Variants in UPP2 observed in about 807,000 individuals in gnomAD.
UPP2 encodes the protein UPase 2.
Under a neutral mutation model 26.7 loss-of-function variants are expected in UPP2, and 23 were observed. The observed-to-expected ratio is 0.86, with a 90% CI of 0.62 to 1.22. UPP2 has a LOEUF of 1.22. Ranked by LOEUF, UPP2 falls within the 50% of genes most tolerant of loss-of-function variation. The pLI is 0.00. For synonymous variants in UPP2, 127 were observed against 141.3 expected, an observed-to-expected ratio of 0.90 and a Z score of 0.72; for missense variants, 387 against 396.7, an observed-to-expected ratio of 0.98 and a Z score of 0.21.
intron 3 of UPP2, among the ~76,000 whole-genome samples, chr2:158,089,087 G>A (rs1168929539): frequency 1.3e-5 from 2 of 152,164 alleles, no homozygotes; most frequent in African/African-American, 4.8e-5. Flanking sequence ...AGAGCGGGTA[G>A]AGAAAGACCA....
chr2:158,073,964 T>C (rs1166072984), intron 3 of UPP2, among the ~76,000 whole-genome samples: 1 of 152,166 alleles, frequency 6.6e-6, no homozygotes, highest in East Asian at 1.9e-4. Flanking sequence ...AGCTTAAGCT[T>C]GGAAGCTTGA....
chr2:158,112,912 TCTAACTTCTTTGATAAAAC>T (rs1361622355), intron 2 of UPP2, among the ~76,000 whole-genome samples: 8 of 152,206 alleles, frequency 5.3e-5, no homozygotes, highest in Admixed American at 5.2e-4. Context: ...CCAGTGTGTT[TCTAACTTCTTTGATAAAAC>T]CAGGACAATT....
rs1324711368 is a variant in UPP2 at position 158,016,125 on chromosome 2, TA to T, written c.147+252del. ...CTCCACATCCTCACTAACACTTGTT[TA>T]AAAAAAAAAAAACTAACAGATTTTT... is the stretch of plus-strand genomic sequence containing the variant. On this transcript the variant is annotated intron_variant, in intron 3 of 9. Transcript: ENST00000605860. Among the ~76,000 whole-genome samples the T allele has an allele frequency of 1.7e-3, 244 of 142,880 alleles. 1 individual carries two copies. The highest frequency in any genetic ancestry group is 1.7e-3 in the Non-Finnish European group (110 of 65,080). The allele number at this position is 142,880 out of a possible 152,430, so 93.7% of individuals were successfully genotyped here. A position where few individuals can be genotyped will look rare whatever the true frequency, so the allele number is the denominator to read the frequency against.
At chr2:158,090,394 C>T (rs1002795680) in intron 3 of UPP2, among the ~76,000 whole-genome samples, 11 of 151,866 alleles carry the variant, frequency 7.2e-5, no homozygotes, top group Non-Finnish European at 1.3e-4. Context: ...GCAGCTACTC[C>T]GGAGGCTGAG....
chr2:158,037,385 A>G (rs1276250468), intron 3 of UPP2, among the ~76,000 whole-genome samples: 3 of 152,286 alleles, frequency 2.0e-5, no homozygotes, highest in East Asian at 3.9e-4. Flanking sequence ...AAAAAAAGAA[A>G]AAAGAAAAAA....
chr2:158,047,159 C>T (rs1684167219), intron 3 of UPP2, among the ~76,000 whole-genome samples: 1 of 152,182 alleles, frequency 6.6e-6, no homozygotes, highest in Admixed American at 6.5e-5. Context: ...TTTCATTCCA[C>T]CCAAAAGCAA....
At chr2:158,058,094 C>G (rs764103627) in intron 3 of UPP2, among the ~76,000 whole-genome samples, 1 of 151,952 alleles carries the variant, frequency 6.6e-6, no homozygotes, top group Non-Finnish European at 1.5e-5. Flanking sequence ...GAGATCGAGA[C>G]CATCCTAGCT....
chr2:158,135,115 ATAAT>A lies in UPP2; in HGVS notation c.*229_*232del. The A allele has an allele frequency of 4.4e-6, 2 of 457,908 alleles. No homozygotes were observed. The highest frequency in any genetic ancestry group is 7.0e-6 in the Non-Finnish European group (2 of 285,310). 28.4% of individuals were successfully genotyped at this position (457,908 alleles called of 1,614,324 possible). A position where few individuals can be genotyped will look rare whatever the true frequency, so the allele number is the denominator to read the frequency against. On this transcript the variant is annotated 3_prime_UTR_variant, in exon 7 of 7. Transcript: ENST00000005756. ...AGAATAAGTTAACTAAATCAGTCTA[ATAAT>A]TAAAATTTTAAAACTCCTGGATTAT... is the stretch of plus-strand genomic sequence containing the variant.
At chr2:157,995,476 T>C (rs1414792335) in intron 2 of UPP2, among the ~76,000 whole-genome samples, 1 of 152,204 alleles carries the variant, frequency 6.6e-6, no homozygotes, top group Non-Finnish European at 1.5e-5. Context: ...AGGTAGCTAC[T>C]ACAGACGATG....
chr2:158,089,717 A>C (rs199735138), intron 3 of UPP2, among the ~76,000 whole-genome samples: 1 of 152,166 alleles, frequency 6.6e-6, no homozygotes, highest in South Asian at 2.1e-4. Context: ...TTGACTCTCT[A>C]AATTCATCTC....
intron 3 of UPP2, among the ~76,000 whole-genome samples, chr2:158,068,393 T>C (rs1390566477): frequency 6.6e-6 from 1 of 152,176 alleles, no homozygotes; most frequent in Admixed American, 6.5e-5. Context: ...CTCAGAGAAT[T>C]ACCTGAACAT....
intron 3 of UPP2, among the ~76,000 whole-genome samples, chr2:158,082,847 T>C (rs13395928): frequency 0.023 from 3,445 of 152,222 alleles, 135 homozygotes; most frequent in African/African-American, 0.075. Flanking sequence ...TACAAGGAAC[T>C]TAAACAAATT....
intron 2 of UPP2, among the ~76,000 whole-genome samples, chr2:158,109,941 C>T (rs1683277080): frequency 6.6e-6 from 1 of 152,118 alleles, no homozygotes; most frequent in African/African-American, 2.4e-5. Context: ...CATATTATAT[C>T]TACAGAATGT....
In UPP2 at chr2:158,056,448, C is replaced by T. The variant is rs57501902; in HGVS notation, c.147+40562C>T. ...GGATCCAGTATTCATTTCCTATGAC[C>T]GCTGTAAAAATTTTTGACAAACTGG... On this transcript the variant is annotated intron_variant, in intron 3 of 9. Coordinates refer to the UPP2 transcript ENST00000605860. 6.9e-4 allele frequency among the ~76,000 whole-genome samples: 105 copies of T among 152,262 alleles called. No individual in the cohort carries two copies. In the East Asian group the frequency reaches 0.015, roughly 22 times the overall value.
intron 3 of UPP2, among the ~76,000 whole-genome samples, chr2:158,082,737 TACA>T (rs1463181015): frequency 1.6e-4 from 24 of 151,734 alleles, no homozygotes; most frequent in African/African-American, 5.8e-4. Context: ...AGAGCTTCTA[TACA>T]GCAAAAGAAA....
In UPP2 at chr2:158,096,209, G is replaced by T. The variant is rs544171818; in HGVS notation, c.148-5831G>T. Among the ~76,000 whole-genome samples, 204 of 152,268 alleles carry T rather than the reference G, an allele frequency of 1.3e-3. 1 individual carries two copies. Among genetic ancestry groups the T allele is most frequent in the African/African-American group, 4.7e-3 (195 of 41,544 alleles). ...GGGAGTCAGGCTCGTGATAAGAAAG[G>T]CCACCAGAAAAGCCAGGGAAGTTGT... On this transcript the variant is annotated intron_variant, in intron 3 of 9. Coordinates refer to the UPP2 transcript ENST00000605860.
intron 3 of UPP2, among the ~76,000 whole-genome samples, chr2:158,074,895 C>T (rs1682607020): frequency 6.7e-6 from 1 of 149,796 alleles, no homozygotes; most frequent in Non-Finnish European, 1.5e-5. Context: ...CACCTATAAA[C>T]ACATACATAG....
At chr2:158,122,735 C>T (rs548255876) in intron 5 of UPP2, among the ~76,000 whole-genome samples, 64 of 149,344 alleles carry the variant, frequency 4.3e-4, no homozygotes, top group African/African-American at 1.5e-3. Flanking sequence ...TGCATGACAG[C>T]CTTGACAAGC....
chr2:158,064,240 C>T (rs899252950), intron 3 of UPP2, among the ~76,000 whole-genome samples: 2 of 152,354 alleles, frequency 1.3e-5, no homozygotes. Context: ...TATTTCTCCA[C>T]ATCCTCTCCA....
Sources: gnomAD v4.1 joint callset for allele counts (sites outside exome capture counted in the v4.1 genomes callset) on GRCh38, gnomAD v4.1.1 for gene constraint, MANE v1.5 for transcripts, NCBI Gene and HGNC (gene_info 2026-07-23, HGNC 2026-07-21) for gene names.